CNTNAP2: variants seen among roughly 807,000 people sequenced by gnomAD.
The protein encoded by CNTNAP2 is contactin associated protein 2.
In CNTNAP2, 98 loss-of-function variants were observed where a neutral mutation model predicts 155.2. The ratio of observed to expected loss-of-function variants is 0.63; its 90% confidence interval spans 0.54 to 0.75. The LOEUF is 0.75. Ranked by LOEUF, CNTNAP2 falls within the 30% of genes least tolerant of loss-of-function variation. The pLI, the probability that CNTNAP2 is intolerant of heterozygous loss-of-function variation, is 0.00. For missense variants in CNTNAP2, 1,727 were observed against 1,688.1 expected, an observed-to-expected ratio of 1.02 and a Z score of -0.40; for synonymous variants, 651 against 631.2, an observed-to-expected ratio of 1.03 and a Z score of -0.47.
intron 18 of CNTNAP2, among the ~76,000 whole-genome samples, chr7:148,179,554 A>C (rs1794999674): frequency 7.6e-6 from 1 of 131,078 alleles, no homozygotes; most frequent in African/African-American, 2.8e-5. Flanking sequence ...AGAGGGAGAG[A>C]GGGAGAGAGA....
chr7:146,826,936 A>G (rs1803416515), intron 2 of CNTNAP2, among the ~76,000 whole-genome samples: 1 of 151,610 alleles, frequency 6.6e-6, no homozygotes, highest in East Asian at 1.9e-4. Context: ...ATCTAGAATA[A>G]ATACAGTAAC....
chr7:146,531,563 T>C (rs1797769870), intron 1 of CNTNAP2, among the ~76,000 whole-genome samples: 1 of 152,164 alleles, frequency 6.6e-6, no homozygotes, highest in South Asian at 2.1e-4. Context: ...TGTTTTGTAT[T>C]GAGGCGGAGT....
chr7:147,048,331 C>T (rs1415031102), intron 4 of CNTNAP2, among the ~76,000 whole-genome samples: 7 of 151,832 alleles, frequency 4.6e-5, no homozygotes, highest in Admixed American at 2.0e-4. Flanking sequence ...AGTGATATGG[C>T]GATAAGCCAA....
intron 13 of CNTNAP2, among the ~76,000 whole-genome samples, chr7:147,777,461 C>T (rs117590760): frequency 0.013 from 2,037 of 152,250 alleles, 102 homozygotes; most frequent in Admixed American, 0.089. Flanking sequence ...CTCTACAGAA[C>T]GGCCCTGAAG....
chr7:147,807,738 G>C (rs1798113912), intron 13 of CNTNAP2, among the ~76,000 whole-genome samples: 1 of 152,154 alleles, frequency 6.6e-6, no homozygotes, highest in African/African-American at 2.4e-5. Flanking sequence ...TATGATGGGG[G>C]AATAGATCAG....
chr7:146,351,375 T>C (rs960276957), intron 1 of CNTNAP2, among the ~76,000 whole-genome samples: 4 of 151,644 alleles, frequency 2.6e-5, no homozygotes, highest in African/African-American at 9.8e-5. Context: ...TGTACATCAG[T>C]CTAAGAATTT....
At chr7:146,889,730 G>A (rs754429269) in intron 3 of CNTNAP2, among the ~76,000 whole-genome samples, 3 of 151,882 alleles carry the variant, frequency 2.0e-5, no homozygotes, top group East Asian at 1.9e-4. Flanking sequence ...TATAGACTAC[G>A]GAGAACACAG....
chr7:147,791,011 G>C (rs1797810635), intron 13 of CNTNAP2, among the ~76,000 whole-genome samples: 1 of 152,178 alleles, frequency 6.6e-6, no homozygotes, highest in Admixed American at 6.5e-5. Context: ...AGCAAATTCA[G>C]TTCTCTCTTG....
intron 3 of CNTNAP2, among the ~76,000 whole-genome samples, chr7:146,906,009 G>A (rs1796115300): frequency 1.3e-5 from 2 of 152,234 alleles, no homozygotes; most frequent in African/African-American, 4.8e-5. Flanking sequence ...AGGGGTCAGG[G>A]AGTTCCCTTT....
chr7:147,063,935 G>C (rs569337803), intron 4 of CNTNAP2, among the ~76,000 whole-genome samples: 1 of 152,056 alleles, frequency 6.6e-6, no homozygotes, highest in Non-Finnish European at 1.5e-5. Context: ...GGAGAGTAAG[G>C]ATATGTAAGT....
rs151182611 is a variant in CNTNAP2 at position 147,197,744 on chromosome 7, G to A, written c.1348+65235G>A. Among the ~76,000 whole-genome samples the A allele has an allele frequency of 2.2e-3, 335 of 152,280 alleles. 3 individuals carry two copies. Among genetic ancestry groups the A allele is most frequent in the African/African-American group, 7.8e-3 (323 of 41,554 alleles). On this transcript the variant is annotated intron_variant, in intron 8 of 23. Transcript: ENST00000361727. Reference sequence around the variant, plus strand: ...CTGACTCTTCTAACTTATAAACAATGTCTAAGGATATTAAAACATTTTCTT... The same window carrying A: ...CTGACTCTTCTAACTTATAAACAATATCTAAGGATATTAAAACATTTTCTT...
At chr7:148,354,176 TA>T (rs1302063993) in intron 21 of CNTNAP2, among the ~76,000 whole-genome samples, 4 of 129,050 alleles carry the variant, frequency 3.1e-5, no homozygotes, top group Non-Finnish European at 3.2e-5. Flanking sequence ...ACGAAACGAT[TA>T]ATTTTTTTTT....
chr7:146,757,172 A>T (rs1336276579), intron 1 of CNTNAP2, among the ~76,000 whole-genome samples: 1 of 152,120 alleles, frequency 6.6e-6, no homozygotes, highest in Non-Finnish European at 1.5e-5. Flanking sequence ...GTAGCAGTAA[A>T]TGGGTGACAA....
rs529853060 is a variant in CNTNAP2, at chr7:146,214,936, C to T, written c.97+97963C>T. Among the ~76,000 whole-genome samples, 7 of 152,268 alleles carry T rather than the reference C, an allele frequency of 4.6e-5. No homozygotes were observed. In the South Asian group the frequency reaches 6.2e-4, roughly 14 times the overall value. ...TTATGCACTGTCCCCTTACCTCCCT[C>T]GGCCCCCTGCTTTGCCAATCCTTCC... On this transcript the variant is annotated intron_variant, in intron 1 of 23. Transcript: ENST00000361727.
chr7:148,209,575 C>T (rs1262331214), intron 18 of CNTNAP2, among the ~76,000 whole-genome samples: 1 of 152,168 alleles, frequency 6.6e-6, no homozygotes, highest in African/African-American at 2.4e-5. Flanking sequence ...TTTTTAATTC[C>T]TAAACATCAT....
chr7:147,541,772 A>T (rs1304821403), intron 11 of CNTNAP2, among the ~76,000 whole-genome samples: 1 of 152,234 alleles, frequency 6.6e-6, no homozygotes, highest in African/African-American at 2.4e-5. Flanking sequence ...TTAATGATTA[A>T]AATGAGTTTG....
At chr7:147,684,796 T>C (rs1250050111) in intron 13 of CNTNAP2, among the ~76,000 whole-genome samples, 1 of 151,994 alleles carries the variant, frequency 6.6e-6, no homozygotes, top group Non-Finnish European at 1.5e-5. Context: ...TTTACCATAC[T>C]TTTTTAACAA....
At chr7:146,776,821 A>T (rs1363924807) in intron 2 of CNTNAP2, among the ~76,000 whole-genome samples, 1 of 152,174 alleles carries the variant, frequency 6.6e-6, no homozygotes, top group African/African-American at 2.4e-5. Flanking sequence ...AGAGCTGCTT[A>T]TGTATTTATC....
chr7:146,892,815 A>G (rs910008382), intron 3 of CNTNAP2, among the ~76,000 whole-genome samples: 4 of 152,154 alleles, frequency 2.6e-5, no homozygotes, highest in Non-Finnish European at 5.9e-5. Context: ...TTAATGATTT[A>G]TTTTTTACAT....
Sources: allele counts gnomAD v4.1 joint callset (sites outside exome capture counted in the v4.1 genomes callset), GRCh38; gene constraint gnomAD v4.1.1; transcripts MANE v1.5; gene names NCBI Gene and HGNC (gene_info 2026-07-23, HGNC 2026-07-21).